Variants in CIB4 observed in about 807,000 individuals in gnomAD.
CIB4 encodes calcium and integrin binding family member 4, also known as calcium and integrin-binding family member 4.
A neutral mutation model predicts 25.8 loss-of-function variants in CIB4; 25 were observed. The ratio of observed to expected loss-of-function variants is 0.97; its 90% CI spans 0.71 to 1.35. The LOEUF is 1.35. Among genes scored for constraint, CIB4 ranks in the 40% most tolerant of loss-of-function variants. The pLI, the probability that CIB4 is intolerant of heterozygous loss-of-function variation, is 0.00. For synonymous variants in CIB4, 75 were observed against 81.4 expected, an observed-to-expected ratio of 0.92 and a Z score of 0.42; for missense variants, 235 against 228.2, an observed-to-expected ratio of 1.03 and a Z score of -0.19.
chr2:26,585,071 G>A (rs1007386520), intron 4 of CIB4, among the ~76,000 whole-genome samples: 1 of 152,160 alleles, frequency 6.6e-6, no homozygotes, highest in Non-Finnish European at 1.5e-5. Context: ...GAACAGTCAG[G>A]GTCCACCTGA....
rs148355828 is a variant in CIB4, at chr2:26,636,223, TATA to T, written c.89+4307_89+4309del. On this transcript the variant is annotated intron_variant, in intron 2 of 6. Transcript: ENST00000288861. ...TTTTCCTGAATGAATATTCAGTGTT[TATA>T]ATAATATTATATATCGTATATGCAT... Among the ~76,000 whole-genome samples the T allele has an allele frequency of 2.4e-4, 37 of 152,350 alleles. No homozygotes were observed. The East Asian group carries it at 6.4e-3, about 26-fold the overall frequency.
chr2:26,587,418 G>A (rs972921068), intron 4 of CIB4, among the ~76,000 whole-genome samples: 2 of 149,640 alleles, frequency 1.3e-5, no homozygotes, highest in African/African-American at 4.9e-5. Context: ...TCTTGCTTAA[G>A]CCACTGCTAC....
At chr2:26,610,528 G>A (rs1197937056) in intron 3 of CIB4, among the ~76,000 whole-genome samples, 1 of 152,122 alleles carries the variant, frequency 6.6e-6, no homozygotes, top group East Asian at 1.9e-4. Flanking sequence ...TGTATCCTGG[G>A]GACTTTGCCC....
chr2:26,628,692 A>G (rs1669355595), intron 3 of CIB4, among the ~76,000 whole-genome samples: 1 of 152,178 alleles, frequency 6.6e-6, no homozygotes. Context: ...GCTGGGAAAA[A>G]GGCAGGTTGG....
At chr2:26,584,584 AC>A (rs1180471722) in intron 4 of CIB4, among the ~76,000 whole-genome samples, 1 of 152,116 alleles carries the variant, frequency 6.6e-6, no homozygotes, top group African/African-American at 2.4e-5. Context: ...ATTCCCTCCA[AC>A]CCCGTGCATC....
intron 3 of CIB4, chr2:26,605,670 G>A (rs2148206240): frequency 2.5e-6 from 1 of 394,258 alleles, no homozygotes; most frequent in South Asian, 1.9e-5. Context: ...TCAGTTCACA[G>A]ACCCAACAAG....
Position 26,596,919 on chromosome 2 carries a change from G to C in CIB4, c.187-1602C>G, listed in dbSNP as rs1668693138. Among the ~76,000 whole-genome samples, 3 of 152,290 alleles carry C rather than the reference G, an allele frequency of 2.0e-5. No individual in the cohort carries two copies. In the South Asian group the frequency reaches 6.2e-4, roughly 32 times the overall value. On this transcript the variant is annotated intron_variant, in intron 3 of 6. Coordinates refer to ENST00000288861, the MANE Select transcript of CIB4 (RefSeq NM_001029881.3). ...GTTTTCCTGGCACAAAAAGACAAGT[G>C]TTCCAAATTTGCTGACCTTTCCATG... is the stretch of plus-strand genomic sequence containing the variant.
At chr2:26,610,123 G>T (rs973339857) in intron 3 of CIB4, among the ~76,000 whole-genome samples, 2 of 152,202 alleles carry the variant, frequency 1.3e-5, no homozygotes, top group African/African-American at 4.8e-5. Context: ...TTTGTAAGCC[G>T]CCAGAGGTTC....
intron 5 of CIB4, 39 bp from the exon 6 acceptor site, chr2:26,582,952 A>ACCTCACTGCC: frequency 2.1e-6 from 3 of 1,429,924 alleles, no homozygotes; most frequent in Non-Finnish European, 3.0e-6. Context: ...GTGGAACCCC[A>ACCTCACTGCC]TGTCAGGCAG....
chr2:26,637,467 T>G (rs1200119733), intron 2 of CIB4, among the ~76,000 whole-genome samples: 1 of 152,080 alleles, frequency 6.6e-6, no homozygotes, highest in Non-Finnish European at 1.5e-5. Flanking sequence ...TTTACTCTCC[T>G]TTTAGTAAAC....
intron 4 of CIB4, among the ~76,000 whole-genome samples, chr2:26,590,086 G>A (rs1171711288): frequency 2.0e-5 from 3 of 151,668 alleles, no homozygotes; most frequent in African/African-American, 7.3e-5. Flanking sequence ...TAATACCATG[G>A]CCACTGCTCC....
intron 3 of CIB4, among the ~76,000 whole-genome samples, chr2:26,616,003 G>A (rs1669084991): frequency 6.6e-6 from 1 of 152,214 alleles, no homozygotes; most frequent in Non-Finnish European, 1.5e-5. Context: ...CACCAGCGCT[G>A]GGGGGCGGTG....
chr2:26,629,556 CTG>C, intron 2 of CIB4, 50 bp from the exon 3 acceptor site: 1 of 1,300,556 alleles, frequency 7.7e-7, no homozygotes, highest in Non-Finnish European at 1.1e-6. Flanking sequence ...GAGGCCAGCA[CTG>C]TGTGGCCGGG....
intron 2 of CIB4, among the ~76,000 whole-genome samples, chr2:26,637,507 C>A (rs72857999): frequency 0.02 from 3,071 of 152,096 alleles, 117 homozygotes; most frequent in African/African-American, 0.07. Context: ...CTATTCTCCA[C>A]GTAACTGGAA....
intron 4 of CIB4, among the ~76,000 whole-genome samples, chr2:26,585,957 C>T (rs1668444413): frequency 6.6e-6 from 1 of 152,082 alleles, no homozygotes; most frequent in Non-Finnish European, 1.5e-5. Flanking sequence ...CCACTCAGGC[C>T]AACCTGGAGT....
intron 2 of CIB4, 44 bp downstream of exon 2, chr2:26,640,489 G>A: frequency 6.3e-7 from 1 of 1,597,818 alleles, no homozygotes; most frequent in South Asian, 1.1e-5. Flanking sequence ...CCAGCTCAGA[G>A]GGAGGAGCTG....
At chr2:26,583,993 C>T (rs190950276) in intron 4 of CIB4, 95 bp from the exon 5 acceptor site, 3 of 765,082 alleles carry the variant, frequency 3.9e-6, no homozygotes, top group Non-Finnish European at 6.8e-6. Context: ...CCAGCCAGGA[C>T]CCCACAGATG....
intron 2 of CIB4, among the ~76,000 whole-genome samples, chr2:26,639,496 AT>A (rs2148230408): frequency 6.6e-6 from 1 of 151,742 alleles, no homozygotes; most frequent in African/African-American, 2.4e-5. Context: ...ATTTCATTTT[AT>A]TTTTATTCAT....
chr2:26,629,367 C>G (rs1427319210), intron 3 of CIB4, 43 bp downstream of exon 3: 3 of 1,208,114 alleles, frequency 2.5e-6, no homozygotes. Context: ...ATCAGCAGGT[C>G]CCACTGATGC....
Sources: gnomAD v4.1 joint callset for allele counts (sites outside exome capture counted in the v4.1 genomes callset) on GRCh38, gnomAD v4.1.1 for gene constraint, MANE v1.5 for transcripts, NCBI Gene and HGNC (gene_info 2026-07-23, HGNC 2026-07-21) for gene names.